The following RABGAP1L variants were observed in gnomAD, a reference collection of about 807,000 sequenced individuals.
RABGAP1L encodes the protein rab GTPase-activating protein 1-like.
In RABGAP1L, 63 loss-of-function variants were observed where a neutral mutation model predicts 137.7. That is an observed-to-expected ratio of 0.46 (90% CI 0.37 to 0.56). RABGAP1L has a LOEUF of 0.56. Among genes scored for constraint, RABGAP1L ranks in the 20% least tolerant of loss-of-function variants. RABGAP1L has a pLI of 0.00. For synonymous variants in RABGAP1L, 431 were observed against 433.7 expected (o/e 0.99, Z 0.08); for missense variants, 1,095 against 1,244.0 (o/e 0.88, Z 1.80).
intron 19 of RABGAP1L, among the ~76,000 whole-genome samples, chr1:174,914,148 A>G (rs1660484509): frequency 6.6e-6 from 1 of 152,134 alleles, no homozygotes; most frequent in South Asian, 2.1e-4. Context: ...CTGTGATTGC[A>G]TTATCCTAAA....
At chr1:174,592,978 G>C (rs1167498475) in intron 13 of RABGAP1L, among the ~76,000 whole-genome samples, 1 of 58,012 alleles carries the variant, frequency 1.7e-5, no homozygotes, top group East Asian at 3.9e-4. Flanking sequence ...GAATCCATCT[G>C]GTCCTGGACT....
chr1:174,340,047 T>C (rs75165492), intron 11 of RABGAP1L, among the ~76,000 whole-genome samples: 2,553 of 152,320 alleles, frequency 0.017, 73 homozygotes, highest in African/African-American at 0.058. Flanking sequence ...TTAAATTTTT[T>C]AGGTTTAGTT....
At chr1:174,288,831 G>GCTT (rs1420807501) in intron 10 of RABGAP1L, among the ~76,000 whole-genome samples, 8 of 152,058 alleles carry the variant, frequency 5.3e-5, no homozygotes, top group African/African-American at 1.9e-4. Flanking sequence ...GATACTTCTG[G>GCTT]AATGCTTATG....
chr1:174,283,060 C>A (rs1474024913), intron 10 of RABGAP1L, among the ~76,000 whole-genome samples: 3 of 152,034 alleles, frequency 2.0e-5, no homozygotes, highest in East Asian at 3.9e-4. Flanking sequence ...GTTGCGAGTT[C>A]TTTGCATTTC....
In RABGAP1L at chr1:174,433,145, A is replaced by G. The variant is rs1002380505; in HGVS notation, c.1710+39000A>G. ...AAGATAGAAGCTGAGATACATGGAG[A>G]GAAAGATATACCCAAGGCCTCATAG... On this transcript the variant is annotated intron_variant, in intron 13 of 25. Transcript: ENST00000681986. Among the ~76,000 whole-genome samples, 4 of 152,328 alleles carry G rather than the reference A, an allele frequency of 2.6e-5. No homozygotes were observed. The East Asian group carries it at 7.7e-4, about 29-fold the overall frequency.
chr1:174,972,158 C>T (rs1043813261), intron 21 of RABGAP1L, among the ~76,000 whole-genome samples: 8 of 152,230 alleles, frequency 5.3e-5, no homozygotes, highest in African/African-American at 1.9e-4. Context: ...CTTTCCTGTC[C>T]TTCCCTATTT....
chr1:174,552,446 A>C (rs1334411721), intron 13 of RABGAP1L, among the ~76,000 whole-genome samples: 1 of 152,046 alleles, frequency 6.6e-6, no homozygotes, highest in Non-Finnish European at 1.5e-5. Flanking sequence ...TTCTTGTGTT[A>C]GTTTAGTAAG....
At chr1:174,581,867 G>C (rs1363160005) in intron 13 of RABGAP1L, among the ~76,000 whole-genome samples, 1 of 152,142 alleles carries the variant, frequency 6.6e-6, no homozygotes, top group African/African-American at 2.4e-5. Flanking sequence ...AAATTGCTTT[G>C]ACACTAAAAG....
At chr1:174,616,282 C>A (rs1303943579) in intron 13 of RABGAP1L, among the ~76,000 whole-genome samples, 2 of 152,068 alleles carry the variant, frequency 1.3e-5, no homozygotes, top group African/African-American at 2.4e-5. Flanking sequence ...GAATCCTTGT[C>A]ATTATCTTTG....
At chr1:174,948,266 A>G (rs1450014634) in intron 19 of RABGAP1L, among the ~76,000 whole-genome samples, 7 of 152,116 alleles carry the variant, frequency 4.6e-5, no homozygotes, top group African/African-American at 1.7e-4. Flanking sequence ...CACATCTGTA[A>G]TCCCAGCACT....
At chr1:174,776,267 G>A (rs771058797) in intron 18 of RABGAP1L, among the ~76,000 whole-genome samples, 20 of 152,060 alleles carry the variant, frequency 1.3e-4, no homozygotes, top group Non-Finnish European at 2.1e-4. Context: ...CCAGCTACTC[G>A]GGAGGCTGAG....
intron 11 of RABGAP1L, among the ~76,000 whole-genome samples, chr1:174,322,248 A>G (rs765960848): frequency 3.9e-5 from 6 of 152,060 alleles, no homozygotes; most frequent in Non-Finnish European, 7.4e-5. Context: ...GTTTTTATCT[A>G]TAATTGCAGG....
Position 174,637,456 on chromosome 1 carries a change from G to A in RABGAP1L, c.1792G>A (p.Asp598Asn), listed in dbSNP as rs1272248324. ...AHDYFKDTGGDGQESLYKICK... is the reference protein window; with the variant it reads ...AHDYFKDTGGNGQESLYKICK... ...TGATTACTTTAAAGATACTGGAGGA[G>A]ATGGTCAAGAATCGCTCTATAAGAT... Residue 598 changes from aspartate to asparagine, a missense_variant, in exon 14 of 26, where the codon GAT becomes AAT. Asp to Asn is a conservative substitution (Grantham distance 23). This residue lies in a region of RABGAP1L where 315 missense variants were observed against 324.8 expected (regional missense o/e 0.97). Transcript: ENST00000681986. 6 of 1,610,934 alleles carry A rather than the reference G, an allele frequency of 3.7e-6. No homozygotes were observed. Among genetic ancestry groups the A allele is most frequent in the Non-Finnish European group, 5.1e-6 (6 of 1,177,232 alleles).
Position 174,548,236 on chromosome 1 carries a change from C to G in RABGAP1L, c.1711-89139C>G. The stretch of plus-strand genomic sequence containing the variant: ...GAAAGCATAATCTACAGAATTGAAG[C>G]CAAGTAATCTAAGATTCTGTTTTTA... On this transcript the variant is annotated intron_variant, in intron 13 of 25. Coordinates refer to ENST00000681986, the MANE Select transcript of RABGAP1L (RefSeq NM_001366446.1). 2.1e-6 allele frequency: 3 copies of G among 1,407,348 alleles called. No individual in the cohort carries two copies. In the African/African-American group the frequency reaches 4.3e-5, roughly 20 times the overall value. The allele number at this position is 1,407,348 out of a possible 1,614,324, so 87.2% of individuals were successfully genotyped here.
At chr1:174,255,600 C>T (rs2148611808) in intron 7 of RABGAP1L, among the ~76,000 whole-genome samples, 1 of 152,362 alleles carries the variant, frequency 6.6e-6, no homozygotes, top group Non-Finnish European at 1.5e-5. Flanking sequence ...TCTTGGCTCA[C>T]TGCAACCTCC....
At chr1:174,887,355 A>T (rs1331289280) in intron 19 of RABGAP1L, among the ~76,000 whole-genome samples, 1 of 152,218 alleles carries the variant, frequency 6.6e-6, no homozygotes, top group South Asian at 2.1e-4. Context: ...TATTCACAAA[A>T]ATTGCACATG....
intron 7 of RABGAP1L, among the ~76,000 whole-genome samples, chr1:174,266,033 A>G (rs191205955): frequency 6.6e-6 from 1 of 152,292 alleles, no homozygotes; most frequent in East Asian, 1.9e-4. Flanking sequence ...CAATTTTTAA[A>G]TCTGGAGAGA....
chr1:174,180,267 G>C (rs1666240897), intron 1 of RABGAP1L, among the ~76,000 whole-genome samples: 2 of 152,188 alleles, frequency 1.3e-5, no homozygotes, highest in African/African-American at 4.8e-5. Context: ...TGACTCCACT[G>C]TTGTAACCTT....
At chr1:174,721,460 T>G (rs1353550807) in intron 17 of RABGAP1L, among the ~76,000 whole-genome samples, 1 of 152,228 alleles carries the variant, frequency 6.6e-6, no homozygotes, top group Non-Finnish European at 1.5e-5. Context: ...TGTTGATTTT[T>G]CTCAAGGCTT....
Sources: allele counts gnomAD v4.1 joint callset (sites outside exome capture counted in the v4.1 genomes callset), GRCh38; gene constraint gnomAD v4.1.1; regional missense constraint gnomAD v4.1.1; transcripts MANE v1.5; gene names NCBI Gene and HGNC (gene_info 2026-07-23, HGNC 2026-07-21).